The following ZBTB7A variants were observed in gnomAD, a reference collection of about 807,000 sequenced individuals.
ZBTB7A encodes zinc finger and BTB domain-containing protein 7A.
A neutral mutation model predicts 26.7 loss-of-function variants in ZBTB7A; 7 were observed. The observed-to-expected ratio is 0.26, with a 90% CI of 0.15 to 0.49. The LOEUF is 0.49. Ranked by LOEUF, ZBTB7A falls within the 20% of genes least tolerant of loss-of-function variation. The pLI is 0.98. For missense variants in ZBTB7A, 617 were observed against 919.5 expected (o/e 0.67, Z 4.25); for synonymous variants, 452 against 441.0 (o/e 1.02, Z -0.31).
At position 4,054,873 on chromosome 19, in the gene ZBTB7A, G is replaced by C. The variant is rs1227702424; in HGVS notation, c.360C>G (p.Ser120Arg). The stretch of plus-strand genomic sequence containing the variant: ...GGTCCAGGAGGTCGGCGCACACGTG[G>C]CTCACGGCGGGGATCTCCAGCAGGC... Reference protein sequence around the residue: ...AARLLEIPAVSHVCADLLDRQ... With the variant: ...AARLLEIPAVRHVCADLLDRQ... Residue 120 changes from serine to arginine, a missense_variant, in exon 2 of 3, where the codon AGC becomes AGG. Around this residue, in one of 5 missense-constraint regions of ZBTB7A, gnomAD observed 82 missense variants for 195.2 expected, o/e 0.42. Coordinates refer to ENST00000322357, the MANE Select transcript of ZBTB7A (RefSeq NM_015898.4). 1 of 1,610,232 alleles carries C rather than the reference G, an allele frequency of 6.2e-7. No homozygotes were observed. The highest frequency in any genetic ancestry group is 1.7e-5 in the Admixed American group (1 of 59,758).
Position 4,052,622 on chromosome 19 carries a change from G to A in ZBTB7A, c.1262+1349C>T, listed in dbSNP as rs913904397. Among the ~76,000 whole-genome samples the A allele has an allele frequency of 3.3e-5, 5 of 151,920 alleles. No individual in the cohort carries two copies. The highest frequency in any genetic ancestry group is 9.7e-5 in the African/African-American group (4 of 41,400). On this transcript the variant is annotated intron_variant, in intron 2 of 2. Coordinates refer to ENST00000322357, the MANE Select transcript of ZBTB7A (RefSeq NM_015898.4). The surrounding 1 kb of genome is among the most constrained non-coding windows in gnomAD (Gnocchi z 4.9). ...CGTGGCTGGGGGAACCCCAGGGCGG[G>A]CGGGGGGCAGGGGGTGGTGCTGAGT...
At chr19:4,059,809 G>T (rs2040620603) in intron 1 of ZBTB7A, among the ~76,000 whole-genome samples, 1 of 152,106 alleles carries the variant, frequency 6.6e-6, no homozygotes, top group Non-Finnish European at 1.5e-5. Flanking sequence ...AAGGGCCGAA[G>T]ACCCTGCCTC....
chr19:4,062,660 G>C (rs1476819046), intron 1 of ZBTB7A: 1 of 152,210 alleles, frequency 6.6e-6, no homozygotes, highest in Non-Finnish European at 1.5e-5. Context: ...CTACCCTGGG[G>C]GCTGAGAGGA....
chr19:4,047,950 G>T lies in ZBTB7A; in HGVS notation c.1557C>A (p.Gly519=), dbSNP rs1017383956. 6.1e-6 allele frequency: 8 copies of T among 1,304,602 alleles called. No homozygotes were observed. The highest frequency in any genetic ancestry group is 6.9e-6 in the Non-Finnish European group (7 of 1,015,164). 80.8% of individuals were successfully genotyped at this position (1,304,602 alleles called of 1,614,324 possible). ...CGGGGGAGCTGGGCTGGGCGGGGGCGCCGGGGGTCGCGGTGGCCCCCGGGC... is the reference window on the plus strand; with the variant it reads ...CGGGGGAGCTGGGCTGGGCGGGGGCTCCGGGGGTCGCGGTGGCCCCCGGGC... The part of the protein sequence containing the change: ...DPSPGATATP[G]APAQPSSPDA... The change falls in exon 3 of 3, where the codon GGC becomes GGA. Residue 519 remains glycine (G), a synonymous_variant. Transcript: ENST00000322357.
At chr19:4,060,861 T>C (rs1295519677) in intron 1 of ZBTB7A, among the ~76,000 whole-genome samples, 3 of 152,050 alleles carry the variant, frequency 2.0e-5, no homozygotes, top group Non-Finnish European at 2.9e-5. Flanking sequence ...AATGAGGGGA[T>C]CAGGGCCCCC....
At position 4,054,812 on chromosome 19, in the gene ZBTB7A, C is replaced by T. The variant is rs759224730; in HGVS notation, c.421G>A (p.Gly141Arg). Residue 141 changes from glycine to arginine, a missense_variant, in exon 2 of 3, where the codon GGG becomes AGG. By Grantham distance (125) the Gly-to-Arg change is moderately radical. Coordinates refer to ENST00000322357, the MANE Select transcript of ZBTB7A (RefSeq NM_015898.4). ...ATTTGATCTACAAGGTCCAGCTGCC[C>T]GGCGTCGGCGCCCGCGTCGGCCGCC... ...ILAADAGADA[G>R]QLDLVDQIDQ... The T allele has an allele frequency of 6.9e-6, 11 of 1,594,858 alleles. No homozygotes were observed. In the Admixed American group the frequency reaches 1.4e-4, roughly 20 times the overall value.
intron 1 of ZBTB7A, among the ~76,000 whole-genome samples, chr19:4,060,961 C>T (rs780907358): frequency 9.2e-5 from 14 of 152,158 alleles, no homozygotes; most frequent in Non-Finnish European, 1.9e-4. Flanking sequence ...GGGTTCAAGC[C>T]TCGGCTCCCC....
intron 2 of ZBTB7A, among the ~76,000 whole-genome samples, chr19:4,051,096 CAAAAAAAAAAAAAAAA>C (rs71166952): frequency 2.4e-5 from 1 of 42,422 alleles, no homozygotes; most frequent in South Asian, 1.5e-3. Flanking sequence ...AGACTCGTCT[CAAAAAAAAAAAAAAAA>C]AAAAAAAAAA....
Position 4,054,300 on chromosome 19 carries a change from C to A in ZBTB7A, c.933G>T (p.Val311=). The part of the protein sequence containing the change: ...AEGEDGDGPD[V]DGLAASTLLQ... ...GCAGCGTGCTGGCCGCCAGCCCGTC[C>A]ACGTCGGGCCCGTCCCCGTCCTCGC... The change falls in exon 2 of 3, where the codon GTG becomes GTT. Residue 311 remains valine (V), a synonymous_variant. Transcript: ENST00000322357. 6.5e-7 allele frequency: 1 copy of A among 1,535,738 alleles called. No individual in the cohort carries two copies. The highest frequency in any genetic ancestry group is 1.4e-5 in the African/African-American group (1 of 73,192).
chr19:4,058,929 C>A (rs963402272), intron 1 of ZBTB7A, among the ~76,000 whole-genome samples: 2 of 152,218 alleles, frequency 1.3e-5, no homozygotes, highest in Non-Finnish European at 2.9e-5. Flanking sequence ...CTCAGCACCC[C>A]CGTCTACTCT....
chr19:4,047,554 A>C lies in ZBTB7A; in HGVS notation c.*198T>G. 1 of 420,476 alleles carries C rather than the reference A, an allele frequency of 2.4e-6. No individual in the cohort carries two copies. The highest frequency in any genetic ancestry group is 3.6e-6 in the Non-Finnish European group (1 of 275,874). The allele number at this position is 420,476 out of a possible 1,614,324, so 26.0% of individuals were successfully genotyped here. On this transcript the variant is annotated 3_prime_UTR_variant, in exon 3 of 3. Transcript: ENST00000322357. ...CCTGCGGAGGGAGAAAAACGTCAGA[A>C]AGGAGGGAAATCTGAGAAAGCGCTA... is the stretch of plus-strand genomic sequence containing the variant.
At chr19:4,053,657 T>A (rs1003484229) in intron 2 of ZBTB7A, among the ~76,000 whole-genome samples, 2 of 149,272 alleles carry the variant, frequency 1.3e-5, no homozygotes, top group African/African-American at 5.0e-5. Context: ...CTGTGTAGCA[T>A]GTCTGTATGT....
intron 1 of ZBTB7A, among the ~76,000 whole-genome samples, chr19:4,060,692 CGACCGGGGAAGGGG>C (rs1317767418): frequency 6.6e-6 from 1 of 152,194 alleles, no homozygotes; most frequent in Non-Finnish European, 1.5e-5. Context: ...TGGAGGTGGG[CGACCGGGGAAGGGG>C]GACCGGCAGA....
At position 4,045,689 on chromosome 19, in the gene ZBTB7A, G is replaced by T. The variant is rs576567970; in HGVS notation, c.*2063C>A. On this transcript the variant is annotated 3_prime_UTR_variant, in exon 3 of 3. Coordinates refer to ENST00000322357, the MANE Select transcript of ZBTB7A (RefSeq NM_015898.4). The surrounding 1 kb of genome is among the most constrained non-coding windows in gnomAD (Gnocchi z 4.1). ...ACAAGAAGTCTCAGTGCAGCAGAGC[G>T]TCTATTTTCGGGGTCCCATGCTAGC... 3.1e-4 allele frequency: 119 copies of T among 388,172 alleles called. No homozygotes were observed. The highest frequency in any genetic ancestry group is 2.4e-3 in the African/African-American group (114 of 48,460). 24.0% of individuals were successfully genotyped at this position (388,172 alleles called of 1,614,324 possible).
In ZBTB7A at chr19:4,054,621, G is replaced by A. The variant is rs771237765; in HGVS notation, c.612C>T (p.Ala204=). Residue 204 remains alanine (A), a synonymous_variant, in exon 2 of 3, where the codon GCC becomes GCT. Transcript: ENST00000322357. ...DLDATKEAVA[A]AVAAVAAGDC... ...CGCCCGCGGCCACGGCGGCCACAGC[G>A]GCGGCCACGGCCTCCTTGGTGGCAT... 48 of 1,590,422 alleles carry A rather than the reference G, an allele frequency of 3.0e-5. No homozygotes were observed. The East Asian group carries it at 4.5e-4, about 15-fold the overall frequency.
At chr19:4,059,526 G>A (rs889172208) in intron 1 of ZBTB7A, among the ~76,000 whole-genome samples, 12 of 152,148 alleles carry the variant, frequency 7.9e-5, no homozygotes, top group East Asian at 3.9e-4. Context: ...GACTGTGGCC[G>A]CGTTTTACAG....
chr19:4,049,897 A>G (rs535866426), intron 2 of ZBTB7A, among the ~76,000 whole-genome samples: 1 of 151,520 alleles, frequency 6.6e-6, no homozygotes, highest in East Asian at 1.9e-4. Flanking sequence ...CCCTGTCTCC[A>G]TCCTCCTGTC....
In ZBTB7A at chr19:4,044,747, AC is replaced by A. The variant is rs1357534707; in HGVS notation, c.*3004del. Reference sequence around the variant, plus strand: ...ACCCCAAAAAAAGAAAACACAAAAAACCCCAAACAACCAAACAAAAAAGCTT... The same window carrying A: ...ACCCCAAAAAAAGAAAACACAAAAAACCCAAACAACCAAACAAAAAAGCTT... On this transcript the variant is annotated 3_prime_UTR_variant, in exon 3 of 3. Coordinates refer to ENST00000322357, the MANE Select transcript of ZBTB7A (RefSeq NM_015898.4). 1 of 148,710 alleles carries A rather than the reference AC, an allele frequency of 6.7e-6. No homozygotes were observed. The highest frequency in any genetic ancestry group is 2.5e-5 in the African/African-American group (1 of 40,556). 9.2% of individuals were successfully genotyped at this position (148,710 alleles called of 1,614,324 possible).
Position 4,052,820 on chromosome 19 carries a change from G to T in ZBTB7A, c.1262+1151C>A, listed in dbSNP as rs561543622. Among the ~76,000 whole-genome samples, 2 of 152,174 alleles carry T rather than the reference G, an allele frequency of 1.3e-5. No homozygotes were observed. Among genetic ancestry groups the T allele is most frequent in the African/African-American group, 4.8e-5 (2 of 41,430 alleles). On this transcript the variant is annotated intron_variant, in intron 2 of 2. Transcript: ENST00000322357. This position sits in a 1 kb window ranked among gnomAD's most constrained non-coding sequence, Gnocchi z 4.9. ...AGGGACCAAGTCCTGTGGCTCCCAG[G>T]GGGGCACAGTGATCTCTCAAGCTGA...
Sources: allele counts gnomAD v4.1 joint callset (sites outside exome capture counted in the v4.1 genomes callset), GRCh38; gene constraint gnomAD v4.1.1; regional missense constraint gnomAD v4.1.1; non-coding constraint Gnocchi (gnomAD v3.1); transcripts MANE v1.5; gene names NCBI Gene and HGNC (gene_info 2026-07-23, HGNC 2026-07-21).